PPP6R1: variants seen among roughly 807,000 people sequenced by gnomAD.
The protein encoded by PPP6R1 is serine/threonine-protein phosphatase 6 regulatory subunit 1.
A neutral mutation model predicts 104.6 loss-of-function variants in PPP6R1; 39 were observed. The ratio of observed to expected loss-of-function variants is 0.37; its 90% confidence interval spans 0.29 to 0.49. The LOEUF (loss-of-function observed/expected upper bound fraction) is 0.49, where lower values mean the gene tolerates loss of function less well. PPP6R1 is among the 20% of genes least tolerant of loss of function. PPP6R1 has a pLI of 0.98. For synonymous variants in PPP6R1, 549 were observed against 479.0 expected, an observed-to-expected ratio of 1.15 and a Z score of -1.91; for missense variants, 1,181 against 1,155.8, an observed-to-expected ratio of 1.02 and a Z score of -0.32.
chr19:55,233,313 A>T (rs1353705509), intron 17 of PPP6R1: 1 of 152,208 alleles, frequency 6.6e-6, no homozygotes, highest in Non-Finnish European at 1.5e-5. Flanking sequence ...TCAACCTAAC[A>T]TAAGGCATCT....
At chr19:55,229,053 G>A, downstream of PPP6R1, 2 of 315,018 alleles carry the variant, frequency 6.3e-6, no homozygotes, top group South Asian at 1.0e-4. Context: ...AGAAGAGATG[G>A]GGTGCAGAAT....
chr19:55,253,023 C>T (rs2087565811), intron 1 of PPP6R1, among the ~76,000 whole-genome samples: 1 of 152,170 alleles, frequency 6.6e-6, no homozygotes, highest in Non-Finnish European at 1.5e-5. Context: ...CTGAAGCTGC[C>T]AAGGCTCAGC....
At chr19:55,231,297 G>T in intron 21 of PPP6R1, 113 bp downstream of exon 21, 1 of 1,257,428 alleles carries the variant, frequency 8.0e-7, no homozygotes, top group African/African-American at 1.5e-5. Context: ...GCGCCTGGGG[G>T]TCCTGCAAAG....
Position 55,245,033 on chromosome 19 carries a change from C to T in PPP6R1, c.618+87G>A, listed in dbSNP as rs2087494204. On this transcript the variant is annotated intron_variant, in intron 5 of 23. Transcript: ENST00000412770. The surrounding 1 kb of genome is among the most constrained non-coding windows in gnomAD (Gnocchi z 6.4). ...AATTACAGGCGTGAGCCACTGCGTC[C>T]AGCCCCAATTCCTCTTTTAAAAGTG... The T allele has an allele frequency of 7.1e-6, 11 of 1,542,286 alleles. No homozygotes were observed. Among genetic ancestry groups the T allele is most frequent in the Admixed American group, 1.9e-5 (1 of 52,282 alleles).
chr19:55,246,562 A>C (rs1600113610), intron 2 of PPP6R1, among the ~76,000 whole-genome samples: 1 of 152,206 alleles, frequency 6.6e-6, no homozygotes, highest in African/African-American at 2.4e-5. Context: ...AAAGAGAAAA[A>C]CCAGCCGGGC....
chr19:55,239,779 GA>G, intron 13 of PPP6R1, 46 bp downstream of exon 13: 3 of 1,601,176 alleles, frequency 1.9e-6, no homozygotes, highest in Non-Finnish European at 2.6e-6. Flanking sequence ...ACTGGCCCAA[GA>G]GAGAGAAGCA....
chr19:55,230,625 G>A lies in PPP6R1; in HGVS notation c.2630C>T (p.Ser877Phe), dbSNP rs1156343256. The A allele has an allele frequency of 2.5e-6, 4 of 1,611,890 alleles. No homozygotes were observed. Among genetic ancestry groups the A allele is most frequent in the Non-Finnish European group, 3.4e-6 (4 of 1,178,968 alleles). ...CAGCCACACTCACTGGGAGCCTGGG[G>A]ATGCAGGCCCTTCCGGGGCAGAGCC... The part of the protein sequence containing the change: ...PNGSAPEGPA[S>F]PGSQ The change falls in exon 23 of 24, where the codon TCC (serine) becomes TTC (phenylalanine). Residue 877 changes from serine (S) to phenylalanine (F), a missense_variant. By Grantham distance (155) the Ser-to-Phe change is radical. Coordinates refer to ENST00000412770, the MANE Select transcript of PPP6R1 (RefSeq NM_014931.4).
chr19:55,256,635 C>G (rs1427603110), intron 1 of PPP6R1, among the ~76,000 whole-genome samples: 2 of 152,192 alleles, frequency 1.3e-5, no homozygotes, highest in African/African-American at 4.8e-5. Flanking sequence ...CACAGCAGGG[C>G]ACCAGAGCAA....
At chr19:55,233,824 A>C (rs2087371057) in intron 17 of PPP6R1, among the ~76,000 whole-genome samples, 1 of 152,272 alleles carries the variant, frequency 6.6e-6, no homozygotes, top group African/African-American at 2.4e-5. Context: ...TAGAAGACGC[A>C]AGGTGGCTTC....
Position 55,231,350 on chromosome 19 carries a change from C to A in PPP6R1, c.2459+60G>T, listed in dbSNP as rs539056024. 31 of 1,506,046 alleles carry A rather than the reference C, an allele frequency of 2.1e-5. No individual in the cohort carries two copies. The South Asian group carries it at 2.3e-4, about 11-fold the overall frequency. 93.3% of individuals were successfully genotyped at this position (1,506,046 alleles called of 1,614,324 possible). On this transcript the variant is annotated intron_variant, in intron 21 of 23. Coordinates refer to ENST00000412770, the MANE Select transcript of PPP6R1 (RefSeq NM_014931.4). Reference sequence around the variant, plus strand: ...AGGGACAAGATGAACCCAGAGCCCACCTCAGCGAAGAGGAGAAAAGACTTC... The same window carrying A: ...AGGGACAAGATGAACCCAGAGCCCAACTCAGCGAAGAGGAGAAAAGACTTC...
intron 10 of PPP6R1, among the ~76,000 whole-genome samples, chr19:55,240,514 T>TACACACACACACAC (rs777717878): frequency 7.4e-6 from 1 of 135,932 alleles, no homozygotes; most frequent in African/African-American, 2.6e-5. Context: ...ATGTGGTGCA[T>TACACACACACACAC]ACACACACAC....
chr19:55,233,168 A>G (rs539018838), intron 17 of PPP6R1: 1 of 152,354 alleles, frequency 6.6e-6, no homozygotes, highest in South Asian at 2.1e-4. Flanking sequence ...GGGACTATAT[A>G]CTATGTCTAA....
intron 2 of PPP6R1, 63 bp downstream of exon 2, chr19:55,246,814 T>C (rs2122681133): frequency 7.3e-7 from 1 of 1,371,214 alleles, no homozygotes; most frequent in Non-Finnish European, 9.8e-7. Context: ...GCTGTGAGGC[T>C]TGCGTAGTGA....
Position 55,238,308 on chromosome 19 carries a change from A to G in PPP6R1, c.1751+1097T>C, listed in dbSNP as rs2087417423. Among the ~76,000 whole-genome samples the G allele has an allele frequency of 2.0e-5, 3 of 152,302 alleles. No individual in the cohort carries two copies. The South Asian group carries it at 6.2e-4, about 32-fold the overall frequency. On this transcript the variant is annotated intron_variant, in intron 15 of 23. Coordinates refer to ENST00000412770, the MANE Select transcript of PPP6R1 (RefSeq NM_014931.4). ...TGGGCACAGAAGCAGCCAACACAGG[A>G]TATCACGTCTGCATCTGAGAGGACC...
At chr19:55,237,823 C>T (rs1281500038) in intron 15 of PPP6R1, among the ~76,000 whole-genome samples, 1 of 152,208 alleles carries the variant, frequency 6.6e-6, no homozygotes, top group Non-Finnish European at 1.5e-5. Context: ...GCTGACCTGG[C>T]TTCTGCTACA....
chr19:55,239,116 T>C (rs1379030850), intron 15 of PPP6R1: 4 of 408,682 alleles, frequency 9.8e-6, no homozygotes, highest in Admixed American at 3.7e-5. Flanking sequence ...GCTCCAGGAG[T>C]GGGAGGGACC....
chr19:55,246,252 G>A (rs548883131), intron 2 of PPP6R1, among the ~76,000 whole-genome samples: 27 of 152,200 alleles, frequency 1.8e-4, no homozygotes, highest in African/African-American at 6.3e-4. Flanking sequence ...GCAACATGGC[G>A]AAACCCTGTC....
intron 1 of PPP6R1, 126 bp downstream of exon 1, chr19:55,258,309 G>C (rs753743687): frequency 6.5e-6 from 1 of 152,792 alleles, no homozygotes. Context: ...AGGAAGGAGG[G>C]AAAGGATCCG....
intron 1 of PPP6R1, among the ~76,000 whole-genome samples, chr19:55,257,919 C>A (rs1053249749): frequency 1.3e-5 from 2 of 152,254 alleles, no homozygotes; most frequent in African/African-American, 2.4e-5. Flanking sequence ...AGGTCCCTCG[C>A]ACAAGAAGCC....
Sources: gnomAD v4.1 joint callset for allele counts (sites outside exome capture counted in the v4.1 genomes callset) on GRCh38, gnomAD v4.1.1 for gene constraint, Gnocchi (gnomAD v3.1) non-coding constraint, MANE v1.5 for transcripts, NCBI Gene and HGNC (gene_info 2026-07-23, HGNC 2026-07-21) for gene names.